The following PTPRS variants were observed in gnomAD, a reference collection of about 807,000 sequenced individuals.
The protein encoded by PTPRS is protein tyrosine phosphatase receptor type S, also known as receptor-type tyrosine-protein phosphatase S.
PTPRS carries 63 observed loss-of-function variants against 215.3 expected under a neutral mutation model. The ratio of observed to expected loss-of-function variants is 0.29; its 90% CI spans 0.24 to 0.36. The LOEUF is 0.36. Among genes scored for constraint, PTPRS ranks in the 10% least tolerant of loss-of-function variants. The pLI, the probability that PTPRS is intolerant of heterozygous loss-of-function variation, is 1.00. For synonymous variants in PTPRS, 1,404 were observed against 1,191.4 expected, an observed-to-expected ratio of 1.18 and a Z score of -3.68; for missense variants, 2,258 against 2,825.8, an observed-to-expected ratio of 0.80 and a Z score of 4.56.
Position 5,225,838 on chromosome 19 carries a change from C to T in PTPRS, c.2383G>A (p.Val795Ile), listed in dbSNP as rs1231581355. 4 of 1,613,606 alleles carry T rather than the reference C, an allele frequency of 2.5e-6. No homozygotes were observed. The highest frequency in any genetic ancestry group is 3.4e-6 in the Non-Finnish European group (4 of 1,179,788). Residue 795 changes from valine (V) to isoleucine (I), a missense_variant, in exon 17 of 38, where the codon GTC becomes ATC. Val to Ile is a conservative substitution (Grantham distance 29). Coordinates refer to ENST00000262963, the MANE Select transcript of PTPRS (RefSeq NM_002850.4). ...GTCTCAGGCTGCAAGTTTGTGATGACCATCTCCTGCAGGCACGGCTGGGGG... is the reference window on the plus strand; with the variant it reads ...GTCTCAGGCTGCAAGTTTGTGATGATCATCTCCTGCAGGCACGGCTGGGGG... Reference protein sequence around the residue: ...ETDDTAEYEMVITNLQPETAY... With the variant: ...ETDDTAEYEMIITNLQPETAY...
chr19:5,258,514 T>A (rs2045746578), intron 7 of PTPRS, among the ~76,000 whole-genome samples: 1 of 152,156 alleles, frequency 6.6e-6, no homozygotes, highest in African/African-American at 2.4e-5. Flanking sequence ...CTCATAACCA[T>A]CATTTGATAG....
At chr19:5,307,259 G>A (rs1178793745) in intron 1 of PTPRS, among the ~76,000 whole-genome samples, 1 of 152,148 alleles carries the variant, frequency 6.6e-6, no homozygotes, top group African/African-American at 2.4e-5. Flanking sequence ...AGTGAGCTGA[G>A]ATCATGCCAT....
chr19:5,218,914 C>G, intron 23 of PTPRS, 116 bp from the exon 24 acceptor site: 1 of 1,098,858 alleles, frequency 9.1e-7, no homozygotes, highest in African/African-American at 1.6e-5. Flanking sequence ...CCTCTGTGAG[C>G]TTTGGTCTCC....
Position 5,222,859 on chromosome 19 carries a change from G to T in PTPRS, c.2933C>A (p.Ala978Asp), listed in dbSNP as rs1171385518. The T allele has an allele frequency of 6.3e-7, 1 of 1,590,620 alleles. No homozygotes were observed. The highest frequency in any genetic ancestry group is 8.5e-7 in the Non-Finnish European group (1 of 1,174,850). The change falls in exon 18 of 38, where the codon GCC becomes GAC. Residue 978 changes from alanine (A) to aspartate (D), a missense_variant. Coordinates refer to ENST00000262963, the MANE Select transcript of PTPRS (RefSeq NM_002850.4). ...AVREAGALGP[A>D]RETELPAAAE... The stretch of plus-strand genomic sequence containing the variant: ...CGCTGCCGGCAGCTCAGTCTCTCGG[G>T]CAGGGCCCAGGGCACCGGCCTCCCG...
chr19:5,285,988 C>T, intron 2 of PTPRS, 62 bp downstream of exon 2: 1 of 1,502,596 alleles, frequency 6.7e-7, no homozygotes, highest in South Asian at 1.2e-5. Flanking sequence ...ACACACACAG[C>T]CATAAATGCA....
chr19:5,325,919 A>G (rs1600130723), intron 1 of PTPRS, among the ~76,000 whole-genome samples: 1 of 152,220 alleles, frequency 6.6e-6, no homozygotes, highest in African/African-American at 2.4e-5. Flanking sequence ...GAGATGCCCC[A>G]AACAGTTGTA....
intron 17 of PTPRS, among the ~76,000 whole-genome samples, chr19:5,224,305 T>C (rs1438518913): frequency 6.6e-6 from 1 of 151,916 alleles, no homozygotes; most frequent in African/African-American, 2.4e-5. Flanking sequence ...CATGCAAAGG[T>C]GTAGAGCCGG....
At position 5,324,226 on chromosome 19, in the gene PTPRS, C is replaced by CAAAAAAAAAAAAA. The variant is rs55793961; in HGVS notation, c.-95+16425_-95+16437dup. 1.3e-3 allele frequency among the ~76,000 whole-genome samples: 99 copies of CAAAAAAAAAAAAA among 73,610 alleles called. 1 individual carries two copies. Among genetic ancestry groups the CAAAAAAAAAAAAA allele is most frequent in the Non-Finnish European group, 1.6e-3 (58 of 36,718 alleles). The allele number at this position is 73,610 out of a possible 152,430, so 48.3% of individuals were successfully genotyped here. ...TGGGAGACAGAGCGAAACCCTGCCT[C>CAAAAAAAAAAAAA]AAAAAAAAAAAAAAAAAAAAAAAAA... On this transcript the variant is annotated intron_variant, in intron 1 of 37. Coordinates refer to ENST00000262963, the MANE Select transcript of PTPRS (RefSeq NM_002850.4).
At chr19:5,308,160 C>T (rs926638218) in intron 1 of PTPRS, among the ~76,000 whole-genome samples, 2 of 152,142 alleles carry the variant, frequency 1.3e-5, no homozygotes, top group African/African-American at 4.8e-5. Context: ...AAATAAAAGA[C>T]GTGGTGTCAC....
chr19:5,301,882 G>C (rs1163494543), intron 1 of PTPRS, among the ~76,000 whole-genome samples: 1 of 152,144 alleles, frequency 6.6e-6, no homozygotes, highest in Non-Finnish European at 1.5e-5. Flanking sequence ...CTGGGTTCAA[G>C]TGATTCTCCC....
chr19:5,304,565 C>T (rs560732474), intron 1 of PTPRS, among the ~76,000 whole-genome samples: 1 of 152,336 alleles, frequency 6.6e-6, no homozygotes, highest in African/African-American at 2.4e-5. Flanking sequence ...GAGAGAATCA[C>T]TTGAACCCGG....
At chr19:5,336,967 G>A (rs1442561234) in intron 1 of PTPRS, among the ~76,000 whole-genome samples, 3 of 152,182 alleles carry the variant, frequency 2.0e-5, no homozygotes, top group African/African-American at 7.2e-5. Context: ...TGAGCCAGGA[G>A]CCTACCCTGG....
chr19:5,243,714 C>T (rs963619859), intron 11 of PTPRS, among the ~76,000 whole-genome samples, 187 bp downstream of exon 11: 3 of 152,184 alleles, frequency 2.0e-5, no homozygotes, highest in Non-Finnish European at 4.4e-5. Flanking sequence ...TCCGGTGACC[C>T]GCCCGCCTTG....
chr19:5,305,776 A>T (rs1432509381), intron 1 of PTPRS, among the ~76,000 whole-genome samples: 1 of 117,218 alleles, frequency 8.5e-6, no homozygotes, highest in Non-Finnish European at 1.9e-5. Flanking sequence ...TTTTTTTTTT[A>T]AAGGCAAATT....
intron 1 of PTPRS, among the ~76,000 whole-genome samples, chr19:5,286,696 C>A (rs2048379429): frequency 6.6e-6 from 1 of 152,030 alleles, no homozygotes; most frequent in Non-Finnish European, 1.5e-5. Context: ...TGTGAGGTAC[C>A]AATTTCTGTC....
Position 5,258,062 on chromosome 19 carries a change from T to G in PTPRS, c.661A>C (p.Ser221Arg), listed in dbSNP as rs1226298171. Residue 221 changes from serine to arginine, a missense_variant, in exon 8 of 38, where the codon AGC becomes CGC. Physicochemically the swap from Ser to Arg is moderately radical, Grantham distance 110. This residue lies in a region of PTPRS where 508 missense variants were observed against 799.4 expected (regional missense o/e 0.64). Transcript: ENST00000262963. ...GGTGAGGAGTAGCGCACGCCGGCGC[T>G]GTTGGTGGCCACACACTCATATTTG... is the stretch of plus-strand genomic sequence containing the variant. ...QGKYECVATNSAGVRYSSPAN... is the reference protein window; with the variant it reads ...QGKYECVATNRAGVRYSSPAN... The G allele has an allele frequency of 5.6e-6, 9 of 1,614,174 alleles. No homozygotes were observed. The Middle Eastern group carries it at 4.9e-4, about 89-fold the overall frequency.
At chr19:5,248,534 G>A (rs766823002) in intron 9 of PTPRS, among the ~76,000 whole-genome samples, 14 of 152,152 alleles carry the variant, frequency 9.2e-5, no homozygotes, top group African/African-American at 1.4e-4. Context: ...TCTTGGCCAC[G>A]GGTTTGGGGC....
intron 1 of PTPRS, among the ~76,000 whole-genome samples, chr19:5,318,351 A>G (rs2049935456): frequency 6.8e-6 from 1 of 147,584 alleles, no homozygotes; most frequent in African/African-American, 2.5e-5. Context: ...AAAAAAAAAA[A>G]GAAGAAGAAG....
rs568081012 is a variant in PTPRS at position 5,226,726 on chromosome 19, G to A, written c.2377-882C>T. On this transcript the variant is annotated intron_variant, in intron 16 of 37. Coordinates refer to ENST00000262963, the MANE Select transcript of PTPRS (RefSeq NM_002850.4). The stretch of plus-strand genomic sequence containing the variant: ...ATCGTGGCACTGTACTCCAGCCTGG[G>A]TGACAGAGCAAGACTGTCTCAAAAA... 8.0e-5 allele frequency among the ~76,000 whole-genome samples: 12 copies of A among 149,882 alleles called. 1 individual carries two copies. Among genetic ancestry groups the A allele is most frequent in the Admixed American group, 3.3e-4 (5 of 15,250 alleles).
Sources: gnomAD v4.1 joint callset for allele counts (sites outside exome capture counted in the v4.1 genomes callset) on GRCh38, gnomAD v4.1.1 for gene constraint, gnomAD v4.1.1 regional missense constraint, MANE v1.5 for transcripts, NCBI Gene and HGNC (gene_info 2026-07-23, HGNC 2026-07-21) for gene names.